The following RNF157 variants were observed in gnomAD, a reference collection of about 807,000 sequenced individuals.
RNF157 encodes E3 ubiquitin ligase RNF157.
In RNF157, 55 loss-of-function variants were observed where a neutral mutation model predicts 88.3. The ratio of observed to expected loss-of-function variants is 0.62; its 90% CI spans 0.50 to 0.78. The LOEUF (loss-of-function observed/expected upper bound fraction) is 0.78. RNF157 is among the 30% of genes least tolerant of loss of function. The pLI, the probability that RNF157 is intolerant of heterozygous loss-of-function variation, is 0.00. For synonymous variants in RNF157, 334 were observed against 341.2 expected (o/e 0.98, Z 0.23); for missense variants, 788 against 860.8 (o/e 0.92, Z 1.06).
chr17:76,207,076 C>T (rs2069693198), intron 2 of RNF157, among the ~76,000 whole-genome samples: 1 of 152,208 alleles, frequency 6.6e-6, no homozygotes, highest in Non-Finnish European at 1.5e-5. Flanking sequence ...TCTGTATATA[C>T]ACACACTCTA....
At chr17:76,173,637 C>T (rs1034445386) in intron 3 of RNF157, 65 bp downstream of exon 3, 2 of 1,260,726 alleles carry the variant, frequency 1.6e-6, no homozygotes, top group African/African-American at 3.0e-5. Flanking sequence ...GGAAGTCTGT[C>T]CCCCAGCCCC....
rs1049672947 is a variant in RNF157 at position 76,144,417 on chromosome 17, C to G, written c.*818G>C. On this transcript the variant is annotated 3_prime_UTR_variant, in exon 19 of 19. Transcript: ENST00000269391. ...CCGCCTCCCGGGTTCAGGCCATTCT[C>G]CTGCCTCAGCCTCCCAAGTAGCTGG... 6.5e-6 allele frequency: 1 copy of G among 152,980 alleles called. No individual in the cohort carries two copies. Among genetic ancestry groups the G allele is most frequent in the Non-Finnish European group, 1.5e-5 (1 of 68,556 alleles). 9.5% of individuals were successfully genotyped at this position (152,980 alleles called of 1,614,324 possible). A position where few individuals can be genotyped will look rare whatever the true frequency, so the allele number is the denominator to read the frequency against.
In RNF157 at chr17:76,167,641, C is replaced by T; in HGVS notation, c.443+10G>A. The T allele has an allele frequency of 6.2e-7, 1 of 1,613,954 alleles. No homozygotes were observed. The highest frequency in any genetic ancestry group is 1.1e-5 in the South Asian group (1 of 91,050). On this transcript the variant is annotated intron_variant, in intron 4 of 18. Transcript: ENST00000269391. Reference sequence around the variant, plus strand: ...GGAAGGAAGTGGCTCTCCTGGTCTCCTGATCTTACCTGGCAATACCATTCT... The same window carrying T: ...GGAAGGAAGTGGCTCTCCTGGTCTCTTGATCTTACCTGGCAATACCATTCT...
rs767087905 is a variant in RNF157 at position 76,159,404 on chromosome 17, G to A, written c.1235C>T (p.Thr412Met). The change falls in exon 12 of 19, where the codon ACG becomes ATG. Residue 412 changes from threonine to methionine, a missense_variant. Physicochemically the swap from Thr to Met is moderately conservative, Grantham distance 81. Coordinates refer to ENST00000269391, the MANE Select transcript of RNF157 (RefSeq NM_052916.3). ...GSDGHLPPVR[T>M]ISPLDRLSDS... Reference sequence around the variant, plus strand: ...AGACAGGCGGTCAAGAGGCGAGATCGTCCTGACGGGGGGCAGGTGGCCATC... The same window carrying A: ...AGACAGGCGGTCAAGAGGCGAGATCATCCTGACGGGGGGCAGGTGGCCATC... The A allele has an allele frequency of 3.4e-5, 55 of 1,613,264 alleles. No individual in the cohort carries two copies. Among genetic ancestry groups the A allele is most frequent in the Non-Finnish European group, 4.4e-5 (52 of 1,179,806 alleles).
At chr17:76,153,982 A>T in intron 17 of RNF157, 1 of 316,328 alleles carries the variant, frequency 3.2e-6, no homozygotes, top group East Asian at 7.8e-5. Flanking sequence ...GAGGCTGATG[A>T]TGGGAGCTGC....
intron 1 of RNF157, among the ~76,000 whole-genome samples, chr17:76,232,940 A>G (rs1328942812): frequency 7.1e-6 from 1 of 141,234 alleles, no homozygotes; most frequent in Admixed American, 7.0e-5. Flanking sequence ...TTTTTTTTTG[A>G]GACACAGTCT....
chr17:76,156,691 G>T (rs894166167), intron 13 of RNF157, among the ~76,000 whole-genome samples: 1 of 152,210 alleles, frequency 6.6e-6, no homozygotes, highest in Non-Finnish European at 1.5e-5. Flanking sequence ...TACAAAGCCA[G>T]CAGAGGACTT....
At chr17:76,166,953 G>A (rs749470661) in intron 5 of RNF157, 56 bp downstream of exon 5, 5 of 1,225,244 alleles carry the variant, frequency 4.1e-6, no homozygotes, top group Non-Finnish European at 5.8e-6. Flanking sequence ...CGAGTCCTAA[G>A]TAGCCCCTAG....
At chr17:76,220,784 C>G (rs955020805) in intron 1 of RNF157, among the ~76,000 whole-genome samples, 2 of 151,952 alleles carry the variant, frequency 1.3e-5, no homozygotes, top group African/African-American at 2.4e-5. Context: ...ATGGTGAAAC[C>G]CTGTCTCTAC....
chr17:76,224,353 A>G (rs2070040350), intron 1 of RNF157, among the ~76,000 whole-genome samples: 1 of 151,104 alleles, frequency 6.6e-6, no homozygotes, highest in Admixed American at 6.7e-5. Context: ...ACTATGAATT[A>G]TAACAACATA....
At position 76,145,144 on chromosome 17, in the gene RNF157, G is replaced by C. The variant is rs978731417; in HGVS notation, c.*91C>G. 2.4e-5 allele frequency: 19 copies of C among 795,022 alleles called. No individual in the cohort carries two copies. Among genetic ancestry groups the C allele is most frequent in the Admixed American group, 1.7e-4 (7 of 40,404 alleles). 49.2% of individuals were successfully genotyped at this position (795,022 alleles called of 1,614,324 possible). A position where few individuals can be genotyped will look rare whatever the true frequency, so the allele number is the denominator to read the frequency against. Reference sequence around the variant, plus strand: ...GTCACAGGAGGGTAAAAAGTCTCCAGCATCTTGCTGAGGATGCCCAGTAGG... The same window carrying C: ...GTCACAGGAGGGTAAAAAGTCTCCACCATCTTGCTGAGGATGCCCAGTAGG... On this transcript the variant is annotated 3_prime_UTR_variant, in exon 19 of 19. Coordinates refer to ENST00000269391, the MANE Select transcript of RNF157 (RefSeq NM_052916.3).
intron 2 of RNF157, among the ~76,000 whole-genome samples, chr17:76,203,814 C>T (rs1341722712): frequency 6.8e-6 from 1 of 147,438 alleles, no homozygotes; most frequent in Non-Finnish European, 1.5e-5. Context: ...GTCGCCCAGG[C>T]TGGAGTGCAG....
At chr17:76,212,310 T>G in intron 2 of RNF157, 54 bp downstream of exon 2, 8 of 1,249,204 alleles carry the variant, frequency 6.4e-6, no homozygotes, top group Non-Finnish European at 9.4e-6. Flanking sequence ...TTTGTTACAT[T>G]TTTTGAATTG....
At chr17:76,235,843 T>C (rs2070274315) in intron 1 of RNF157, among the ~76,000 whole-genome samples, 1 of 152,092 alleles carries the variant, frequency 6.6e-6, no homozygotes, top group Non-Finnish European at 1.5e-5. Context: ...ATACTGTCTC[T>C]ACAAAAACTT....
At chr17:76,231,142 C>T (rs1385104508) in intron 1 of RNF157, among the ~76,000 whole-genome samples, 2 of 151,852 alleles carry the variant, frequency 1.3e-5, no homozygotes, top group African/African-American at 4.8e-5. Flanking sequence ...TGACTACAGG[C>T]ACCGGCCACA....
intron 2 of RNF157, among the ~76,000 whole-genome samples, chr17:76,208,407 CT>C (rs2069719016): frequency 1.3e-5 from 2 of 152,190 alleles, no homozygotes; most frequent in South Asian, 4.1e-4. Flanking sequence ...GCTGTGCAGT[CT>C]TTAAACTCTC....
intron 2 of RNF157, among the ~76,000 whole-genome samples, chr17:76,182,634 C>G (rs1329721388): frequency 6.6e-6 from 1 of 150,960 alleles, no homozygotes; most frequent in East Asian, 1.9e-4. Flanking sequence ...AGGCAATTCC[C>G]AGTAGTCTAC....
chr17:76,226,835 T>C (rs1251563509), intron 1 of RNF157: 10 of 1,479,728 alleles, frequency 6.8e-6, no homozygotes, highest in Non-Finnish European at 9.1e-6. Flanking sequence ...AATCGAGTAA[T>C]GTGCTTAATT....
At chr17:76,226,811 C>T (rs954892039) in intron 1 of RNF157, 13 of 1,535,420 alleles carry the variant, frequency 8.5e-6, no homozygotes, top group Admixed American at 4.2e-5. Flanking sequence ...GGTCATGTTG[C>T]GGTGCTTTGC....
Sources: allele counts gnomAD v4.1 joint callset (sites outside exome capture counted in the v4.1 genomes callset), GRCh38; gene constraint gnomAD v4.1.1; transcripts MANE v1.5; gene names NCBI Gene and HGNC (gene_info 2026-07-23, HGNC 2026-07-21).